CUX1: variants seen among roughly 807,000 people sequenced by gnomAD.
CUX1 encodes protein CASP.
A neutral mutation model predicts 158.8 loss-of-function variants in CUX1; 31 were observed. The observed-to-expected ratio is 0.20, with a 90% CI of 0.15 to 0.26. CUX1 has a LOEUF of 0.26. Ranked by LOEUF, CUX1 falls within the 10% of genes least tolerant of loss-of-function variation. The probability of loss-of-function intolerance (pLI) is 1.00; values close to 1 mark genes in which losing one functional copy is unlikely to be tolerated. For synonymous variants in CUX1, 879 were observed against 862.1 expected, an observed-to-expected ratio of 1.02 and a Z score of -0.34; for missense variants, 1,589 against 2,014.6, an observed-to-expected ratio of 0.79 and a Z score of 4.04.
At chr7:102,085,426 T>C (rs1326155219) in intron 4 of CUX1, among the ~76,000 whole-genome samples, 3 of 152,178 alleles carry the variant, frequency 2.0e-5, no homozygotes, top group African/African-American at 7.2e-5. Flanking sequence ...TGGGAGGTAA[T>C]TGAATCATGG....
chr7:101,846,365 C>T (rs1795687581), intron 1 of CUX1, among the ~76,000 whole-genome samples: 1 of 151,780 alleles, frequency 6.6e-6, no homozygotes, highest in Non-Finnish European at 1.5e-5. Context: ...ATTGCCCAGG[C>T]AGGAGTGCAG....
chr7:101,997,680 TC>T (rs1816131647), intron 2 of CUX1, among the ~76,000 whole-genome samples: 1 of 152,104 alleles, frequency 6.6e-6, no homozygotes, highest in Non-Finnish European at 1.5e-5. Context: ...CCTACTTGTG[TC>T]CCGTGGCCTC....
chr7:101,982,188 T>C lies in CUX1; in HGVS notation c.142-45910T>C, dbSNP rs1007382509. Among the ~76,000 whole-genome samples the C allele has an allele frequency of 1.9e-4, 29 of 152,326 alleles. No homozygotes were observed. The East Asian group carries it at 4.2e-3, about 22-fold the overall frequency. On this transcript the variant is annotated intron_variant, in intron 2 of 23. Coordinates refer to ENST00000292535, the MANE Select transcript of CUX1 (RefSeq NM_181552.4). The stretch of plus-strand genomic sequence containing the variant: ...CATAGCAGTAAAAAGTAGTTTCCCC[T>C]GAGAGCTTTCTCTTCCTCCATAGCT...
chr7:102,061,844 C>T (rs940784502), intron 3 of CUX1, among the ~76,000 whole-genome samples: 42 of 152,138 alleles, frequency 2.8e-4, no homozygotes, highest in Admixed American at 6.5e-5. Context: ...CCACTGTGCC[C>T]GGCACTGTAT....
intron 1 of CUX1, among the ~76,000 whole-genome samples, chr7:101,843,816 A>G (rs1186452573): frequency 6.6e-6 from 1 of 152,198 alleles, no homozygotes; most frequent in African/African-American, 2.4e-5. Flanking sequence ...ACCAGGTATT[A>G]GACTTTCAGT....
At chr7:101,898,613 CAG>C (rs1425828229) in intron 1 of CUX1, among the ~76,000 whole-genome samples, 2 of 119,326 alleles carry the variant, frequency 1.7e-5, no homozygotes, top group Non-Finnish European at 3.3e-5. Context: ...TTTTTTGAGA[CAG>C]AGTCTTGCCC....
intron 4 of CUX1, among the ~76,000 whole-genome samples, chr7:102,071,712 C>G (rs1379536493): frequency 6.6e-6 from 1 of 152,170 alleles, no homozygotes; most frequent in Non-Finnish European, 1.5e-5. Flanking sequence ...TTGCTGTCCC[C>G]TCTTGGAGCT....
At chr7:101,868,690 A>G (rs1798172532) in intron 1 of CUX1, among the ~76,000 whole-genome samples, 1 of 152,198 alleles carries the variant, frequency 6.6e-6, no homozygotes, top group Admixed American at 6.5e-5. Flanking sequence ...AAATACCATC[A>G]GCCGCAAAGC....
intron 8 of CUX1, among the ~76,000 whole-genome samples, chr7:102,147,059 A>G (rs1047068236): frequency 5.9e-5 from 9 of 152,030 alleles, no homozygotes; most frequent in African/African-American, 2.2e-4. Context: ...GAAAACCGCT[A>G]TTTCCAGAAG....
chr7:101,865,970 CA>C (rs1270469963), intron 1 of CUX1, among the ~76,000 whole-genome samples: 2 of 151,636 alleles, frequency 1.3e-5, no homozygotes, highest in Non-Finnish European at 2.9e-5. Flanking sequence ...AGCCTCCGGT[CA>C]AAAAAAATCA....
At chr7:102,282,006 T>C (rs1792110908) in intron 21 of CUX1, 9 of 956,218 alleles carry the variant, frequency 9.4e-6, no homozygotes, top group Non-Finnish European at 8.4e-6. Flanking sequence ...TACGGTGGCC[T>C]GGCCCCTGGG....
chr7:102,131,278 T>C (rs1554497089), intron 8 of CUX1, among the ~76,000 whole-genome samples: 1 of 152,194 alleles, frequency 6.6e-6, no homozygotes, highest in Non-Finnish European at 1.5e-5. Context: ...TCTTTTTTTA[T>C]GCAGATGGTT....
intron 12 of CUX1, among the ~76,000 whole-genome samples, chr7:102,192,561 C>T (rs1247458685): frequency 1.3e-5 from 2 of 152,162 alleles, no homozygotes; most frequent in Admixed American, 1.3e-4. Context: ...CGCAGTGGCT[C>T]ACATCTGTAA....
intron 1 of CUX1, among the ~76,000 whole-genome samples, chr7:101,876,331 T>TAA (rs1311899112): frequency 9.4e-6 from 1 of 106,402 alleles, no homozygotes. Flanking sequence ...GGCGACAGAT[T>TAA]AAAAAAAAAA....
At chr7:102,272,795 C>G (rs1361799921) in intron 14 of CUX1, among the ~76,000 whole-genome samples, 2 of 152,154 alleles carry the variant, frequency 1.3e-5, no homozygotes, top group African/African-American at 4.8e-5. Context: ...TCCTTGGGGA[C>G]CACGCCACCC....
intron 1 of CUX1, among the ~76,000 whole-genome samples, chr7:101,853,305 A>C (rs1303978095): frequency 2.0e-5 from 3 of 152,202 alleles, no homozygotes; most frequent in Non-Finnish European, 4.4e-5. Flanking sequence ...GAGCTCTATA[A>C]AAATGGTATT....
chr7:102,131,977 G>A (rs2131311067), intron 8 of CUX1, among the ~76,000 whole-genome samples: 1 of 152,124 alleles, frequency 6.6e-6, no homozygotes, highest in South Asian at 2.1e-4. Context: ...CAGTTTAGAT[G>A]TTTAAAACAT....
chr7:102,113,821 G>A (rs1215564378), intron 7 of CUX1, among the ~76,000 whole-genome samples: 1 of 152,028 alleles, frequency 6.6e-6, no homozygotes, highest in East Asian at 1.9e-4. Flanking sequence ...CCACCTCAGT[G>A]TCCCAAAATG....
At chr7:102,122,387 CT>C (rs71801202) in intron 8 of CUX1, among the ~76,000 whole-genome samples, 79 of 145,088 alleles carry the variant, frequency 5.4e-4, no homozygotes, top group Admixed American at 4.8e-4. Flanking sequence ...AACCGATGGC[CT>C]TTTTTTTTTT....
Sources: gnomAD v4.1 joint callset for allele counts (sites outside exome capture counted in the v4.1 genomes callset) on GRCh38, gnomAD v4.1.1 for gene constraint, MANE v1.5 for transcripts, NCBI Gene and HGNC (gene_info 2026-07-23, HGNC 2026-07-21) for gene names.